The following SDK1 variants were observed in gnomAD, a reference collection of about 807,000 sequenced individuals.
The protein encoded by SDK1 is sidekick cell adhesion molecule 1.
Under a neutral mutation model 245.5 loss-of-function variants are expected in SDK1, and 157 were observed. The observed-to-expected ratio is 0.64, with a 90% CI of 0.56 to 0.73. The LOEUF is 0.73. SDK1 is among the 30% of genes least tolerant of loss of function. The pLI, the probability that SDK1 is intolerant of heterozygous loss-of-function variation, is 0.00. For missense variants in SDK1, 3,583 were observed against 3,002.3 expected (o/e 1.19, Z -4.52); for synonymous variants, 1,647 against 1,278.5 (o/e 1.29, Z -6.15).
In SDK1 at chr7:3,737,616, A is replaced by G. The variant is rs372512310; in HGVS notation, c.714-83834A>G. ...ACTGGCTGCGCCTTCTGGTCAGGCA[A>G]CTCCACTGGCAGGGATTTGGTGCCA... On this transcript the variant is annotated intron_variant, in intron 4 of 44. Transcript: ENST00000404826. Among the ~76,000 whole-genome samples the G allele has an allele frequency of 2.6e-5, 4 of 152,024 alleles. No individual in the cohort carries two copies. In the East Asian group the frequency reaches 5.8e-4, roughly 22 times the overall value.
intron 4 of SDK1, among the ~76,000 whole-genome samples, chr7:3,772,089 T>C (rs1780421281): frequency 6.6e-6 from 1 of 152,216 alleles, no homozygotes; most frequent in African/African-American, 2.4e-5. Flanking sequence ...GTGTCAGACT[T>C]TCCTTCCTTT....
At chr7:3,379,708 A>G (rs1781438317) in intron 1 of SDK1, among the ~76,000 whole-genome samples, 1 of 152,202 alleles carries the variant, frequency 6.6e-6, no homozygotes, top group African/African-American at 2.4e-5. Flanking sequence ...AATAAATGGA[A>G]AAGCATGAAT....
intron 1 of SDK1, among the ~76,000 whole-genome samples, chr7:3,459,765 G>C (rs1297491809): frequency 1.3e-5 from 2 of 152,188 alleles, no homozygotes; most frequent in Non-Finnish European, 2.9e-5. Context: ...GTTTAGACCA[G>C]TTGTGATCCA....
At chr7:4,129,607 G>C in intron 26 of SDK1, 2 of 1,173,986 alleles carry the variant, frequency 1.7e-6, no homozygotes, top group Non-Finnish European at 2.2e-6. Flanking sequence ...CTTTGTTTTA[G>C]TGGCTGTGGT....
intron 35 of SDK1, among the ~76,000 whole-genome samples, chr7:4,194,846 C>T (rs1783489097): frequency 3.3e-5 from 5 of 152,176 alleles, no homozygotes. Flanking sequence ...TCCTTCAATC[C>T]AATCAAGTTG....
Position 3,609,668 on chromosome 7 carries a change from G to A in SDK1, c.299-9412G>A, listed in dbSNP as rs558696874. Among the ~76,000 whole-genome samples the A allele has an allele frequency of 1.4e-4, 21 of 152,110 alleles. No individual in the cohort carries two copies. In the South Asian group the frequency reaches 4.4e-3, roughly 32 times the overall value. On this transcript the variant is annotated intron_variant, in intron 1 of 44. Coordinates refer to ENST00000404826, the MANE Select transcript of SDK1 (RefSeq NM_152744.4). ...GTCCACCTCAGCCTCCCAAAGTGCT[G>A]GGATTATAGGCGTAAGCTACGGTGC...
intron 5 of SDK1, among the ~76,000 whole-genome samples, chr7:3,907,687 C>G (rs1225769662): frequency 6.6e-6 from 1 of 152,162 alleles, no homozygotes; most frequent in African/African-American, 2.4e-5. Context: ...CAGACTCTTA[C>G]CAAAATGAAA....
chr7:4,268,591 G>C lies in SDK1; in HGVS notation c.*3207G>C. The C allele has an allele frequency of 1.5e-6, 2 of 1,361,214 alleles. No homozygotes were observed. Among genetic ancestry groups the C allele is most frequent in the Non-Finnish European group, 2.0e-6 (2 of 1,018,250 alleles). The allele number at this position is 1,361,214 out of a possible 1,614,324, so 84.3% of individuals were successfully genotyped here. ...GTACAGGTCTTCGGAGGCCGTGTTT[G>C]TATCTAACTGTGACTGGGCTGAAGC... is the stretch of plus-strand genomic sequence containing the variant. On this transcript the variant is annotated 3_prime_UTR_variant, in exon 45 of 45. Coordinates refer to ENST00000404826, the MANE Select transcript of SDK1 (RefSeq NM_152744.4).
chr7:3,396,548 C>T (rs1781900706), intron 1 of SDK1, among the ~76,000 whole-genome samples: 2 of 151,758 alleles, frequency 1.3e-5, no homozygotes, highest in Non-Finnish European at 3.0e-5. Context: ...ACCCCTGTTA[C>T]TGCATACATA....
chr7:3,908,106 G>A (rs545655510), intron 5 of SDK1, among the ~76,000 whole-genome samples: 1 of 152,136 alleles, frequency 6.6e-6, no homozygotes, highest in Non-Finnish European at 1.5e-5. Context: ...TGCCCGTAAT[G>A]TGCTGGCTTC....
chr7:4,043,126 G>A (rs1330798806), intron 17 of SDK1, among the ~76,000 whole-genome samples: 1 of 151,790 alleles, frequency 6.6e-6, no homozygotes, highest in African/African-American at 2.4e-5. Context: ...AGGGGCTCAG[G>A]TAGAGTGAGT....
intron 1 of SDK1, among the ~76,000 whole-genome samples, chr7:3,317,929 A>T (rs543332042): frequency 6.6e-6 from 1 of 152,302 alleles, no homozygotes; most frequent in African/African-American, 2.4e-5. Context: ...AAATATGAGT[A>T]GGTTAAATTC....
intron 35 of SDK1, among the ~76,000 whole-genome samples, chr7:4,189,985 A>T (rs1476009855): frequency 6.6e-6 from 1 of 152,078 alleles, no homozygotes; most frequent in East Asian, 1.9e-4. Context: ...GTTGGTTGGA[A>T]TGAGAGAAAA....
At position 4,026,040 on chromosome 7, in the gene SDK1, C is replaced by T. The variant is rs934140512; in HGVS notation, c.2602+8688C>T. Among the ~76,000 whole-genome samples, 1 of 152,218 alleles carries T rather than the reference C, an allele frequency of 6.6e-6. No individual in the cohort carries two copies. The highest frequency in any genetic ancestry group is 2.4e-5 in the African/African-American group (1 of 41,454). ...AAGGCGCATGGGGAAATTAGGTCCA[C>T]GAACGCGTCCCCAGCGTTGGGGAGG... On this transcript the variant is annotated intron_variant, in intron 17 of 44. Coordinates refer to ENST00000404826, the MANE Select transcript of SDK1 (RefSeq NM_152744.4). This position sits in a 1 kb window ranked among gnomAD's most constrained non-coding sequence, Gnocchi z 4.1.
intron 1 of SDK1, among the ~76,000 whole-genome samples, chr7:3,524,126 C>T (rs1299708514): frequency 6.6e-6 from 1 of 152,122 alleles, no homozygotes; most frequent in African/African-American, 2.4e-5. Flanking sequence ...AGGGAGTTAA[C>T]TAAGTGGATA....
intron 1 of SDK1, among the ~76,000 whole-genome samples, chr7:3,405,443 C>A (rs1779025361): frequency 6.6e-6 from 1 of 152,144 alleles, no homozygotes; most frequent in Admixed American, 6.5e-5. Flanking sequence ...TGTATTTATT[C>A]TGAATATAGT....
At position 4,026,609 on chromosome 7, in the gene SDK1, A is replaced by G. The variant is rs1020510690; in HGVS notation, c.2602+9257A>G. 1.3e-5 allele frequency among the ~76,000 whole-genome samples: 2 copies of G among 152,240 alleles called. No individual in the cohort carries two copies. Among genetic ancestry groups the G allele is most frequent in the East Asian group, 1.9e-4 (1 of 5,190 alleles). On this transcript the variant is annotated intron_variant, in intron 17 of 44. Coordinates refer to ENST00000404826, the MANE Select transcript of SDK1 (RefSeq NM_152744.4). This position sits in a 1 kb window ranked among gnomAD's most constrained non-coding sequence, Gnocchi z 4.1. ...AAAAAAAATAAGTTCAGAAAGGAAC[A>G]CACAAAACTTTTTAAGTGTTAAAGT...
intron 5 of SDK1, among the ~76,000 whole-genome samples, chr7:3,918,284 G>A (rs1483174243): frequency 6.6e-6 from 1 of 152,242 alleles, no homozygotes; most frequent in Non-Finnish European, 1.5e-5. Context: ...CAGCAGGGGA[G>A]CAGCGAGTGA....
intron 1 of SDK1, among the ~76,000 whole-genome samples, chr7:3,566,045 G>A (rs1049791753): frequency 6.6e-6 from 1 of 151,976 alleles, no homozygotes; most frequent in Admixed American, 6.6e-5. Flanking sequence ...TAATAAGAAT[G>A]TATAAAAATC....
Sources: gnomAD v4.1 joint callset for allele counts (sites outside exome capture counted in the v4.1 genomes callset) on GRCh38, gnomAD v4.1.1 for gene constraint, Gnocchi (gnomAD v3.1) non-coding constraint, MANE v1.5 for transcripts, NCBI Gene and HGNC (gene_info 2026-07-23, HGNC 2026-07-21) for gene names.